ABI2: variants seen among roughly 807,000 people sequenced by gnomAD.
The protein encoded by ABI2 is abelson interactor 2.
ABI2 carries 25 observed loss-of-function variants against 59.2 expected under a neutral mutation model. The ratio of observed to expected loss-of-function variants is 0.42; its 90% CI spans 0.31 to 0.59. The LOEUF is 0.59. Among genes scored for constraint, ABI2 ranks in the 20% least tolerant of loss-of-function variants. ABI2 has a pLI of 0.14. For synonymous variants in ABI2, 213 were observed against 235.5 expected (o/e 0.90, Z 0.87); for missense variants, 545 against 681.8 (o/e 0.80, Z 2.23).
At chr2:203,374,696 A>C (rs1268239316) in intron 2 of ABI2, 1 of 375,336 alleles carries the variant, frequency 2.7e-6, no homozygotes, top group African/African-American at 2.1e-5. Context: ...ATGATACATA[A>C]TTTGAAGCAT....
rs145444579 is a variant in ABI2 at position 203,347,338 on chromosome 2, C to T, written c.117+18707C>T. On this transcript the variant is annotated intron_variant, in intron 1 of 11. Coordinates refer to ENST00000261018, the MANE Select transcript of ABI2 (RefSeq NM_001375670.1). ...AGATAAAGGTGCACTGGTTTTCACTCATCTTTTGTGTGAAATTTCTGGTGG... is the reference window on the plus strand; with the variant it reads ...AGATAAAGGTGCACTGGTTTTCACTTATCTTTTGTGTGAAATTTCTGGTGG... 3.5e-3 allele frequency among the ~76,000 whole-genome samples: 538 copies of T among 152,320 alleles called. 8 individuals carry two copies. Among genetic ancestry groups the T allele is most frequent in the African/African-American group, 0.012 (508 of 41,568 alleles).
chr2:203,386,080 G>A (rs2096493754), intron 4 of ABI2, among the ~76,000 whole-genome samples: 1 of 152,106 alleles, frequency 6.6e-6, no homozygotes, highest in South Asian at 2.1e-4. Context: ...AGGAATTGAA[G>A]TAGGAACATA....
intron 10 of ABI2, among the ~76,000 whole-genome samples, chr2:203,412,224 C>G (rs2097707021): frequency 6.6e-6 from 1 of 152,176 alleles, no homozygotes; most frequent in Non-Finnish European, 1.5e-5. Flanking sequence ...GAAATGGGCA[C>G]TGCCAGTACT....
Position 203,430,297 on chromosome 2 carries a change from G to A in ABI2, c.*2945G>A, listed in dbSNP as rs2098472691. On this transcript the variant is annotated 3_prime_UTR_variant, in exon 12 of 12. Transcript: ENST00000261018. ...GTGTACTATTAATATTATAACAGACGATCCAAGTCCAAAATCTGACCAATA... is the reference window on the plus strand; with the variant it reads ...GTGTACTATTAATATTATAACAGACAATCCAAGTCCAAAATCTGACCAATA... 1 of 152,004 alleles carries A rather than the reference G, an allele frequency of 6.6e-6. No homozygotes were observed. Among genetic ancestry groups the A allele is most frequent in the Non-Finnish European group, 1.5e-5 (1 of 68,012 alleles). The allele number at this position is 152,004 out of a possible 1,614,324, so 9.4% of individuals were successfully genotyped here.
intron 1 of ABI2, among the ~76,000 whole-genome samples, chr2:203,339,795 G>A (rs2078808006): frequency 6.6e-6 from 1 of 152,126 alleles, no homozygotes; most frequent in Admixed American, 6.6e-5. Context: ...AATGGATGAA[G>A]AAAATGTGTA....
chr2:203,365,622 C>CTTTTTTT (rs71007507), intron 1 of ABI2, among the ~76,000 whole-genome samples: 80 of 63,914 alleles, frequency 1.3e-3, no homozygotes, highest in East Asian at 2.6e-3. Flanking sequence ...GGGCTGTTAT[C>CTTTTTTT]TTTTTTTTTT....
At chr2:203,399,830 T>C (rs1236340219) in intron 8 of ABI2, among the ~76,000 whole-genome samples, 2 of 152,188 alleles carry the variant, frequency 1.3e-5, no homozygotes, top group Non-Finnish European at 2.9e-5. Flanking sequence ...ATTTATTTTT[T>C]TGATGTTGTA....
chr2:203,351,589 GCAGTGGTGTGAT>G (rs920855465), intron 1 of ABI2: 2 of 434,912 alleles, frequency 4.6e-6, no homozygotes, highest in African/African-American at 4.2e-5. Flanking sequence ...AGGCTGGAAT[GCAGTGGTGTGAT>G]CATAGCTCAC....
intron 11 of ABI2, among the ~76,000 whole-genome samples, chr2:203,425,216 T>A (rs2098391196): frequency 6.6e-6 from 1 of 152,022 alleles, no homozygotes; most frequent in Non-Finnish European, 1.5e-5. Context: ...GGTTTGCATT[T>A]CTTTTTCTTT....
chr2:203,428,464 C>T lies in ABI2; in HGVS notation c.*1112C>T, dbSNP rs2098458156. 1 of 152,494 alleles carries T rather than the reference C, an allele frequency of 6.6e-6. No individual in the cohort carries two copies. Among genetic ancestry groups the T allele is most frequent in the Non-Finnish European group, 1.5e-5 (1 of 68,022 alleles). 9.4% of individuals were successfully genotyped at this position (152,494 alleles called of 1,614,324 possible). On this transcript the variant is annotated 3_prime_UTR_variant, in exon 12 of 12. Coordinates refer to ENST00000261018, the MANE Select transcript of ABI2 (RefSeq NM_001375670.1). ...GCTTAGCTGTAGAAAGGGTAATACTCTCCTGATTTTGTATGATTGGACTCT... is the reference window on the plus strand; with the variant it reads ...GCTTAGCTGTAGAAAGGGTAATACTTTCCTGATTTTGTATGATTGGACTCT...
intron 9 of ABI2, chr2:203,403,373 T>TA (rs894761559): frequency 6.5e-6 from 1 of 154,804 alleles, no homozygotes; most frequent in Non-Finnish European, 1.5e-5. Flanking sequence ...TATGTCAACT[T>TA]ACTGCTTTTT....
chr2:203,349,395 T>C (rs990103332), intron 1 of ABI2, among the ~76,000 whole-genome samples: 8 of 152,130 alleles, frequency 5.3e-5, no homozygotes, highest in African/African-American at 1.9e-4. Flanking sequence ...TTGCCATGTT[T>C]TCCAGTGATA....
intron 2 of ABI2, among the ~76,000 whole-genome samples, chr2:203,372,501 G>C (rs915462794): frequency 6.6e-6 from 1 of 151,834 alleles, no homozygotes; most frequent in African/African-American, 2.4e-5. Flanking sequence ...CCCAGTAGGG[G>C]CGGCCGGGCA....
chr2:203,334,187 C>T (rs960921139), intron 1 of ABI2, among the ~76,000 whole-genome samples: 2 of 152,070 alleles, frequency 1.3e-5, no homozygotes, highest in South Asian at 2.1e-4. Flanking sequence ...GTGATCCACC[C>T]GCCTTGGCCT....
chr2:203,355,339 C>G (rs1374658600), intron 1 of ABI2: 1 of 186,184 alleles, frequency 5.4e-6, no homozygotes, highest in Non-Finnish European at 1.2e-5. Flanking sequence ...GTTGTTTCTA[C>G]TAAAAATAAA....
At chr2:203,394,989 TCTC>T in intron 6 of ABI2, 143 bp downstream of exon 6, 1 of 916,964 alleles carries the variant, frequency 1.1e-6, no homozygotes, top group Admixed American at 2.0e-5. Flanking sequence ...TTCACCTCTC[TCTC>T]CTCATGTTCT....
At chr2:203,378,182 G>T (rs1397095129) in intron 2 of ABI2, among the ~76,000 whole-genome samples, 1 of 150,526 alleles carries the variant, frequency 6.6e-6, no homozygotes, top group Non-Finnish European at 1.5e-5. Context: ...GCACAATCTC[G>T]GCTCATTGCA....
intron 1 of ABI2, among the ~76,000 whole-genome samples, chr2:203,359,967 A>G (rs1431791429): frequency 6.6e-6 from 1 of 151,946 alleles, no homozygotes; most frequent in Non-Finnish European, 1.5e-5. Context: ...CGGGTGGATC[A>G]TGAGGTCAAG....
At chr2:203,384,284 GTTTTTGTTTTTTTTTTT>G (rs774940590) in intron 4 of ABI2, among the ~76,000 whole-genome samples, 4,076 of 48,500 alleles carry the variant, frequency 0.084, 183 homozygotes, top group Non-Finnish European at 0.1. Flanking sequence ...TCTTGTTTTT[GTTTTTGTTTTTTTTTTT>G]TTTTTTTTTT....
Sources: allele counts gnomAD v4.1 joint callset (sites outside exome capture counted in the v4.1 genomes callset), GRCh38; gene constraint gnomAD v4.1.1; transcripts MANE v1.5; gene names NCBI Gene and HGNC (gene_info 2026-07-23, HGNC 2026-07-21).